TRAPPC9: variants seen among roughly 807,000 people sequenced by gnomAD.
The protein encoded by TRAPPC9 is IKK2 binding protein.
A neutral mutation model predicts 124.0 loss-of-function variants in TRAPPC9; 83 were observed. The observed-to-expected ratio is 0.67, with a 90% CI of 0.56 to 0.80. The LOEUF (loss-of-function observed/expected upper bound fraction) is 0.80. Among genes scored for constraint, TRAPPC9 ranks in the 30% least tolerant of loss-of-function variants. The pLI is 0.00. For synonymous variants in TRAPPC9, 638 were observed against 617.5 expected (o/e 1.03, Z -0.49); for missense variants, 1,302 against 1,508.3 (o/e 0.86, Z 2.27).
At chr8:140,183,347 C>T (rs761322184) in intron 17 of TRAPPC9, among the ~76,000 whole-genome samples, 1 of 152,180 alleles carries the variant, frequency 6.6e-6, no homozygotes, top group Non-Finnish European at 1.5e-5. Flanking sequence ...TTACTGAATA[C>T]ACGGTGGAGG....
chr8:139,910,509 GAC>G (rs1164484347), intron 19 of TRAPPC9, among the ~76,000 whole-genome samples: 1 of 152,198 alleles, frequency 6.6e-6, no homozygotes, highest in Non-Finnish European at 1.5e-5. Context: ...TGGAGCTGAA[GAC>G]ACAGTCATTG....
At chr8:139,810,114 G>T (rs1824336814) in intron 21 of TRAPPC9, among the ~76,000 whole-genome samples, 1 of 152,208 alleles carries the variant, frequency 6.6e-6, no homozygotes, top group Non-Finnish European at 1.5e-5. Flanking sequence ...GACAGTGCCA[G>T]AATACATATG....
intron 20 of TRAPPC9, among the ~76,000 whole-genome samples, chr8:139,892,690 C>A (rs71514657): frequency 0.16 from 24,342 of 152,162 alleles, 1,852 homozygotes; most frequent in South Asian, 0.22. Flanking sequence ...CTGACCCACA[C>A]CTGCTCCAAA....
chr8:139,731,362 C>T lies in TRAPPC9; in HGVS notation c.3280-134G>A, dbSNP rs116511260. ...GGGCCGCCCAGGCCTGGCTCCAGTG[C>T]CCCCTCCAGCAGGTCACTGCGCCTC... On this transcript the variant is annotated intron_variant, in intron 22 of 22. Transcript: ENST00000438773. 2.0e-3 allele frequency: 2,033 copies of T among 995,892 alleles called. 23 individuals are homozygous for T. In the African/African-American group the frequency reaches 0.028, roughly 13 times the overall value. The allele number at this position is 995,892 out of a possible 1,614,324, so 61.7% of individuals were successfully genotyped here. A position where few individuals can be genotyped will look rare whatever the true frequency, so the allele number is the denominator to read the frequency against.
chr8:139,798,745 A>C (rs2130660199), intron 21 of TRAPPC9, among the ~76,000 whole-genome samples: 1 of 152,354 alleles, frequency 6.6e-6, no homozygotes, highest in East Asian at 1.9e-4. Context: ...ACACATAACC[A>C]GATCTGAGAA....
intron 17 of TRAPPC9, among the ~76,000 whole-genome samples, chr8:140,026,147 C>T (rs1235710050): frequency 6.6e-6 from 1 of 152,168 alleles, no homozygotes; most frequent in East Asian, 1.9e-4. Context: ...ATCATGTCCT[C>T]GAGAATCAAC....
In TRAPPC9 at chr8:140,252,950, G is replaced by GTAATATTTTC; in HGVS notation, c.2279-22_2279-21insGAAAATATTA. On this transcript the variant is annotated intron_variant, in intron 15 of 22. Transcript: ENST00000438773. The surrounding 1 kb of genome is among the most constrained non-coding windows in gnomAD (Gnocchi z 4.2). The stretch of plus-strand genomic sequence containing the variant: ...TTTTTCTGTAATAATAACAATGACA[G>GTAATATTTTC]TGATGAGGATGCTGTAACTGAGGCA... 6.2e-7 allele frequency: 1 copy of GTAATATTTTC among 1,612,952 alleles called. No homozygotes were observed. The highest frequency in any genetic ancestry group is 8.5e-7 in the Non-Finnish European group (1 of 1,179,728).
chr8:139,843,580 C>T lies in TRAPPC9; in HGVS notation c.3055+42299G>A, dbSNP rs1353778368. 2.0e-5 allele frequency among the ~76,000 whole-genome samples: 3 copies of T among 152,228 alleles called. No individual in the cohort carries two copies. The East Asian group carries it at 5.8e-4, about 29-fold the overall frequency. On this transcript the variant is annotated intron_variant, in intron 21 of 22. Transcript: ENST00000438773. ...CTCATCCTGAATTATCCAGGTGAGC[C>T]CCACGTAATCACCAGGGTCCTTAAA...
chr8:139,874,597 G>A (rs1264263841), intron 21 of TRAPPC9, among the ~76,000 whole-genome samples: 3 of 152,248 alleles, frequency 2.0e-5, no homozygotes, highest in Non-Finnish European at 4.4e-5. Context: ...GAGGCAGCAG[G>A]TATGAAGGCC....
At chr8:140,258,840 T>G (rs537803734) in intron 15 of TRAPPC9, among the ~76,000 whole-genome samples, 2 of 152,316 alleles carry the variant, frequency 1.3e-5, no homozygotes, top group Admixed American at 6.5e-5. Context: ...TGTGCCAACT[T>G]CTTTAAATGG....
At chr8:139,799,468 C>T (rs1823319949) in intron 21 of TRAPPC9, among the ~76,000 whole-genome samples, 1 of 152,206 alleles carries the variant, frequency 6.6e-6, no homozygotes, top group Non-Finnish European at 1.5e-5. Flanking sequence ...ATCCCCAAAA[C>T]CACATCCATG....
chr8:140,014,082 T>C, intron 18 of TRAPPC9, among the ~76,000 whole-genome samples: 1 of 152,122 alleles, frequency 6.6e-6, no homozygotes, highest in South Asian at 2.1e-4. Context: ...CTTCCATGGG[T>C]GAGCTGTCCC....
intron 18 of TRAPPC9, among the ~76,000 whole-genome samples, chr8:140,019,022 T>C (rs1442210609): frequency 2.0e-5 from 3 of 152,232 alleles, no homozygotes; most frequent in African/African-American, 4.8e-5. Context: ...TAATTAAGCA[T>C]TGACTTTTGT....
At chr8:140,300,240 C>T (rs770114697) in intron 11 of TRAPPC9, among the ~76,000 whole-genome samples, 5 of 151,966 alleles carry the variant, frequency 3.3e-5, no homozygotes, top group Non-Finnish European at 5.9e-5. Flanking sequence ...TATGCATGCA[C>T]GCACGCATGC....
At chr8:139,809,016 G>A (rs958968583) in intron 21 of TRAPPC9, among the ~76,000 whole-genome samples, 3 of 152,204 alleles carry the variant, frequency 2.0e-5, no homozygotes, top group African/African-American at 7.2e-5. Context: ...ACCCCTTTGT[G>A]TTCTCTGACT....
chr8:140,051,391 C>T (rs1467309747), intron 17 of TRAPPC9, among the ~76,000 whole-genome samples: 1 of 152,104 alleles, frequency 6.6e-6, no homozygotes, highest in Non-Finnish European at 1.5e-5. Context: ...GTATCTGAAC[C>T]CTCAACCCTG....
intron 15 of TRAPPC9, among the ~76,000 whole-genome samples, chr8:140,269,592 G>C (rs950525933): frequency 4.0e-5 from 6 of 150,600 alleles, no homozygotes; most frequent in African/African-American, 1.5e-4. Context: ...AAATAAATAA[G>C]ATGGATTAAA....
At chr8:140,072,087 G>A (rs1587644041) in intron 17 of TRAPPC9, among the ~76,000 whole-genome samples, 1 of 152,230 alleles carries the variant, frequency 6.6e-6, no homozygotes, top group African/African-American at 2.4e-5. Flanking sequence ...GGCAGTATGA[G>A]GGGACATTTT....
At chr8:140,406,297 A>T (rs1252662711) in intron 5 of TRAPPC9, among the ~76,000 whole-genome samples, 1 of 152,240 alleles carries the variant, frequency 6.6e-6, no homozygotes, top group Non-Finnish European at 1.5e-5. Flanking sequence ...CAGAAAAAAA[A>T]TAAAGATAAA....
Sources: gnomAD v4.1 joint callset for allele counts (sites outside exome capture counted in the v4.1 genomes callset) on GRCh38, gnomAD v4.1.1 for gene constraint, Gnocchi (gnomAD v3.1) non-coding constraint, MANE v1.5 for transcripts, NCBI Gene and HGNC (gene_info 2026-07-23, HGNC 2026-07-21) for gene names.